Variants in DCUN1D4 observed in about 807,000 individuals in gnomAD.
DCUN1D4 encodes DCN1-like protein 4.
A neutral mutation model predicts 47.9 loss-of-function variants in DCUN1D4; 22 were observed. That is an observed-to-expected ratio of 0.46 (90% CI 0.33 to 0.66). DCUN1D4 has a LOEUF of 0.66. Ranked by LOEUF, DCUN1D4 falls within the 30% of genes least tolerant of loss-of-function variation. The pLI, the probability that DCUN1D4 is intolerant of heterozygous loss-of-function variation, is 0.02. For missense variants in DCUN1D4, 301 were observed against 340.8 expected, an observed-to-expected ratio of 0.88 and a Z score of 0.92; for synonymous variants, 121 against 112.2, an observed-to-expected ratio of 1.08 and a Z score of -0.50.
chr4:51,873,419 A>G (rs1414575855), intron 3 of DCUN1D4, among the ~76,000 whole-genome samples: 1 of 152,234 alleles, frequency 6.6e-6, no homozygotes, highest in Non-Finnish European at 1.5e-5. Flanking sequence ...GTTGTCTTGT[A>G]GTTTATAACT....
intron 5 of DCUN1D4, among the ~76,000 whole-genome samples, chr4:51,883,025 CT>C (rs1728923174): frequency 6.6e-6 from 1 of 152,090 alleles, no homozygotes; most frequent in African/African-American, 2.4e-5. Context: ...AGCCTAAATA[CT>C]TTAGTAGAAT....
Position 51,891,414 on chromosome 4 carries a change from C to T in DCUN1D4, c.415-346C>T, listed in dbSNP as rs376442253. 3.9e-5 allele frequency among the ~76,000 whole-genome samples: 6 copies of T among 152,334 alleles called. No homozygotes were observed. In the East Asian group the frequency reaches 7.7e-4, roughly 20 times the overall value. On this transcript the variant is annotated intron_variant, in intron 6 of 10. Transcript: ENST00000334635. ...TAAAATTCATCTTTGTGTCTGTTTA[C>T]AGGTAGACCTATAAGATAACTTGCC... is the stretch of plus-strand genomic sequence containing the variant.
chr4:51,871,066 A>G (rs575787505), intron 3 of DCUN1D4, among the ~76,000 whole-genome samples: 1 of 151,584 alleles, frequency 6.6e-6, no homozygotes, highest in South Asian at 2.1e-4. Context: ...GGATAGACAC[A>G]GTTTCTTTGT....
Position 51,843,209 on chromosome 4 carries a change from C to T in DCUN1D4, c.-34C>T. The T allele has an allele frequency of 1.9e-6, 3 of 1,539,078 alleles. No homozygotes were observed. The highest frequency in any genetic ancestry group is 1.8e-6 in the Non-Finnish European group (2 of 1,142,832). On this transcript the variant is annotated 5_prime_UTR_variant, in exon 1 of 11. Transcript: ENST00000334635. ...GGGGACCGCGAGGCGAGCGCGGGAG[C>T]CTGGGCGGCGAGCCGGGTGTGAGCT...
At chr4:51,842,165 T>C (rs564166744), upstream of DCUN1D4, among the ~76,000 whole-genome samples, 34 of 152,300 alleles carry the variant, frequency 2.2e-4, no homozygotes, top group East Asian at 6.6e-3. Flanking sequence ...CTCTGCCAAA[T>C]AACAGCCAGT....
intron 1 of DCUN1D4, chr4:51,843,543 C>G (rs1342729287): frequency 2.4e-6 from 3 of 1,240,810 alleles, no homozygotes; most frequent in African/African-American, 1.7e-5. Flanking sequence ...GAAGGGAGGG[C>G]TGGACGTGCG....
At chr4:51,879,034 T>A (rs1251606297) in intron 5 of DCUN1D4, among the ~76,000 whole-genome samples, 1 of 152,092 alleles carries the variant, frequency 6.6e-6, no homozygotes, top group Non-Finnish European at 1.5e-5. Flanking sequence ...GCTGGGAGGA[T>A]CATGTCTTTC....
In DCUN1D4 at chr4:51,910,371, T is replaced by G. The variant is rs1733540855; in HGVS notation, c.616-699T>G. On this transcript the variant is annotated intron_variant, in intron 8 of 10. Coordinates refer to ENST00000334635, the MANE Select transcript of DCUN1D4 (RefSeq NM_001040402.3). ...CTTATCTTTTTTTCTGGTGTCCTTATGAAATGTTGTCTTTCACTTGGTTAC... is the reference window on the plus strand; with the variant it reads ...CTTATCTTTTTTTCTGGTGTCCTTAGGAAATGTTGTCTTTCACTTGGTTAC... Among the ~76,000 whole-genome samples the G allele has an allele frequency of 1.3e-5, 2 of 152,220 alleles. 1 individual carries two copies. The highest frequency in any genetic ancestry group is 4.1e-4 in the South Asian group (2 of 4,828).
intron 7 of DCUN1D4, 121 bp from the exon 8 acceptor site, chr4:51,899,149 G>A: frequency 7.2e-7 from 1 of 1,391,658 alleles, no homozygotes. Context: ...AATAGGTTAT[G>A]GATGTGTTTC....
intron 1 of DCUN1D4, among the ~76,000 whole-genome samples, chr4:51,862,794 A>G (rs959533114): frequency 4.6e-5 from 7 of 151,998 alleles, no homozygotes; most frequent in Non-Finnish European, 8.8e-5. Flanking sequence ...GGATCACTTG[A>G]ACCCAGGAGT....
At chr4:51,838,549 T>C (rs1721553512), upstream of DCUN1D4, among the ~76,000 whole-genome samples, 2 of 151,738 alleles carry the variant, frequency 1.3e-5, no homozygotes, top group Admixed American at 1.3e-4. Context: ...ACCCAGATAA[T>C]TTTGCATTTT....
chr4:51,907,297 C>G (rs1386398977), intron 8 of DCUN1D4, among the ~76,000 whole-genome samples: 1 of 152,132 alleles, frequency 6.6e-6, no homozygotes, highest in Admixed American at 6.5e-5. Context: ...CTAATGTTAG[C>G]TAAGTTCTAA....
intron 1 of DCUN1D4, 65 bp downstream of exon 1, chr4:51,843,332 C>T: frequency 2.0e-6 from 3 of 1,477,148 alleles, no homozygotes; most frequent in South Asian, 1.3e-5. Context: ...CACTCGGCTC[C>T]CGCAGTCCCC....
rs1578076777 is a variant in DCUN1D4 at position 51,915,157 on chromosome 4, A to G, written c.*1573A>G. 1 of 152,528 alleles carries G rather than the reference A, an allele frequency of 6.6e-6. No homozygotes were observed. The highest frequency in any genetic ancestry group is 2.4e-5 in the African/African-American group (1 of 41,434). The allele number at this position is 152,528 out of a possible 1,614,324, so 9.4% of individuals were successfully genotyped here. A position where few individuals can be genotyped will look rare whatever the true frequency, so the allele number is the denominator to read the frequency against. On this transcript the variant is annotated 3_prime_UTR_variant, in exon 11 of 11. Coordinates refer to ENST00000334635, the MANE Select transcript of DCUN1D4 (RefSeq NM_001040402.3). ...CAGTGCTACTCTTGACCACTATTTT[A>G]CCATTTCTTTGCAAACAGTGTTCAC... is the stretch of plus-strand genomic sequence containing the variant.
At chr4:51,874,068 T>G (rs1421864943) in intron 3 of DCUN1D4, among the ~76,000 whole-genome samples, 1 of 152,198 alleles carries the variant, frequency 6.6e-6, no homozygotes, top group African/African-American at 2.4e-5. Flanking sequence ...GTGGAAGTAT[T>G]AACTTATTTG....
chr4:51,903,992 C>T (rs1732495040), intron 8 of DCUN1D4, among the ~76,000 whole-genome samples: 1 of 151,422 alleles, frequency 6.6e-6, no homozygotes, highest in Non-Finnish European at 1.5e-5. Flanking sequence ...TTATTTTTCT[C>T]TTGGTAATGT....
Position 51,901,264 on chromosome 4 carries a change from C to T in DCUN1D4, c.615+1886C>T, listed in dbSNP as rs75576139. On this transcript the variant is annotated intron_variant, in intron 8 of 10. Transcript: ENST00000334635. Reference sequence around the variant, plus strand: ...TACGACACAGTTGTTCCCATGTCAGCTCTGAGGGACAGCCGGGGTGGTTTC... The same window carrying T: ...TACGACACAGTTGTTCCCATGTCAGTTCTGAGGGACAGCCGGGGTGGTTTC... 3.8e-3 allele frequency among the ~76,000 whole-genome samples: 574 copies of T among 152,274 alleles called. 2 individuals are homozygous for T. Among genetic ancestry groups the T allele is most frequent in the Non-Finnish European group, 6.1e-3 (415 of 68,024 alleles).
intron 8 of DCUN1D4, among the ~76,000 whole-genome samples, chr4:51,903,791 C>T (rs1406320180): frequency 6.6e-6 from 1 of 152,024 alleles, no homozygotes; most frequent in Non-Finnish European, 1.5e-5. Context: ...GTATATTTTT[C>T]ATTTCAGATA....
intron 7 of DCUN1D4, among the ~76,000 whole-genome samples, chr4:51,894,381 A>G (rs1379323153): frequency 8.6e-6 from 1 of 116,310 alleles, no homozygotes; most frequent in Admixed American, 1.0e-4. Context: ...CTACCCTCCC[A>G]CCCCCACCTT....
Sources: gnomAD v4.1 joint callset for allele counts (sites outside exome capture counted in the v4.1 genomes callset) on GRCh38, gnomAD v4.1.1 for gene constraint, MANE v1.5 for transcripts, NCBI Gene and HGNC (gene_info 2026-07-23, HGNC 2026-07-21) for gene names.